Variants in MCC observed in about 807,000 individuals in gnomAD.
MCC encodes MCC regulator of Wnt signaling pathway, also known as colorectal mutant cancer protein.
Under a neutral mutation model 116.2 loss-of-function variants are expected in MCC, and 90 were observed. The ratio of observed to expected loss-of-function variants is 0.77; its 90% CI spans 0.65 to 0.92. The LOEUF (loss-of-function observed/expected upper bound fraction) is 0.92. Among genes scored for constraint, MCC ranks in the 40% least tolerant of loss-of-function variants. MCC has a pLI of 0.00. For synonymous variants in MCC, 578 were observed against 510.5 expected (o/e 1.13, Z -1.78); for missense variants, 1,516 against 1,312.2 (o/e 1.16, Z -2.40).
At chr5:113,143,655 C>T (rs1350351651) in intron 4 of MCC, among the ~76,000 whole-genome samples, 1 of 152,176 alleles carries the variant, frequency 6.6e-6, no homozygotes, top group Non-Finnish European at 1.5e-5. Flanking sequence ...CCCACTTTCC[C>T]GTAGCCAAGA....
chr5:113,384,537 G>A (rs1021087420), intron 2 of MCC, among the ~76,000 whole-genome samples: 3 of 152,108 alleles, frequency 2.0e-5, no homozygotes, highest in East Asian at 1.9e-4. Flanking sequence ...GCAGTGAGCC[G>A]AGATCCCGCC....
intron 2 of MCC, among the ~76,000 whole-genome samples, chr5:113,361,057 TC>T (rs1768533591): frequency 6.6e-6 from 1 of 152,238 alleles, no homozygotes; most frequent in Non-Finnish European, 1.5e-5. Context: ...TGTGGTCCTT[TC>T]TTTTCTCCTC....
chr5:113,202,758 C>G (rs558149961), intron 3 of MCC, among the ~76,000 whole-genome samples: 127 of 149,508 alleles, frequency 8.5e-4, no homozygotes, highest in Non-Finnish European at 1.1e-3. Context: ...CCCCTCAGCC[C>G]CAATGCAGAT....
intron 17 of MCC, among the ~76,000 whole-genome samples, chr5:113,030,668 A>C (rs1409895542): frequency 6.6e-6 from 1 of 152,190 alleles, no homozygotes; most frequent in Non-Finnish European, 1.5e-5. Flanking sequence ...ACGGAGTGAG[A>C]CCATCTCAAA....
chr5:113,350,684 T>C (rs910040689), intron 2 of MCC, among the ~76,000 whole-genome samples: 1 of 152,128 alleles, frequency 6.6e-6, no homozygotes, highest in African/African-American at 2.4e-5. Flanking sequence ...ACTGGACAAA[T>C]GAGGTTACAT....
chr5:113,404,683 T>C (rs1383635102), intron 1 of MCC, among the ~76,000 whole-genome samples: 4 of 152,178 alleles, frequency 2.6e-5, no homozygotes, highest in Admixed American at 6.5e-5. Flanking sequence ...CTGGAAATCA[T>C]CTAAATATCC....
intron 3 of MCC, among the ~76,000 whole-genome samples, chr5:113,273,654 A>G (rs1019518940): frequency 6.6e-6 from 1 of 152,172 alleles, no homozygotes; most frequent in Non-Finnish European, 1.5e-5. Flanking sequence ...ACTGTTAGGA[A>G]AGAGGGGTTA....
chr5:113,407,238 G>A (rs1561555415), intron 1 of MCC, among the ~76,000 whole-genome samples: 3 of 152,166 alleles, frequency 2.0e-5, no homozygotes, highest in African/African-American at 7.2e-5. Flanking sequence ...GTTGAGCTGA[G>A]ACTGAGTTCA....
chr5:113,386,730 G>T (rs1173272077), intron 1 of MCC, among the ~76,000 whole-genome samples: 3 of 142,626 alleles, frequency 2.1e-5, no homozygotes, highest in Non-Finnish European at 1.5e-5. Context: ...CTGTGTACAT[G>T]TGTGTCTGTG....
intron 5 of MCC, among the ~76,000 whole-genome samples, chr5:113,139,835 C>T (rs1054049860): frequency 5.3e-5 from 8 of 152,178 alleles, no homozygotes; most frequent in African/African-American, 1.9e-4. Context: ...GATTCTCCTG[C>T]CTCAGCCTCC....
At chr5:113,084,913 G>C (rs560290001) in intron 9 of MCC, among the ~76,000 whole-genome samples, 2 of 152,320 alleles carry the variant, frequency 1.3e-5, no homozygotes, top group East Asian at 3.9e-4. Context: ...ATAATGACTT[G>C]TCAGCTGTGA....
intron 3 of MCC, among the ~76,000 whole-genome samples, chr5:113,312,109 A>C (rs1480368108): frequency 1.3e-5 from 2 of 151,864 alleles, no homozygotes; most frequent in Non-Finnish European, 2.9e-5. Context: ...CCATCTCAAA[A>C]AAACAAACAA....
At chr5:113,068,273 G>A (rs1753766043) in intron 12 of MCC, 90 bp from the exon 13 acceptor site, 1 of 933,790 alleles carries the variant, frequency 1.1e-6, no homozygotes, top group Non-Finnish European at 1.7e-6. Flanking sequence ...GGCAGCTCAG[G>A]TGCTGTCTCG....
intron 12 of MCC, among the ~76,000 whole-genome samples, chr5:113,069,543 A>G (rs1753879325): frequency 6.6e-6 from 1 of 152,256 alleles, no homozygotes; most frequent in South Asian, 2.1e-4. Flanking sequence ...TGCTTCATTT[A>G]GTCAACAGAC....
intron 14 of MCC, among the ~76,000 whole-genome samples, chr5:113,054,762 C>T (rs1561759736): frequency 6.6e-6 from 1 of 152,260 alleles, no homozygotes; most frequent in East Asian, 1.9e-4. Flanking sequence ...TGAATGGTGA[C>T]CAGGCAGGGA....
chr5:113,337,950 A>T (rs910408653), intron 3 of MCC, among the ~76,000 whole-genome samples: 2 of 152,134 alleles, frequency 1.3e-5, no homozygotes, highest in African/African-American at 4.8e-5. Flanking sequence ...ACTACCGCAA[A>T]CACAATGGTT....
chr5:113,090,021 G>A (rs1755485768), intron 8 of MCC, among the ~76,000 whole-genome samples: 1 of 152,212 alleles, frequency 6.6e-6, no homozygotes, highest in Non-Finnish European at 1.5e-5. Context: ...AACAATTAGA[G>A]ATGTAAGTCT....
intron 3 of MCC, among the ~76,000 whole-genome samples, chr5:113,208,951 G>C (rs1402345442): frequency 2.0e-4 from 30 of 152,220 alleles, no homozygotes; most frequent in Non-Finnish European, 7.3e-5. Flanking sequence ...GAGGGGCTAA[G>C]GGTCGTGGTA....
At chr5:113,209,896 C>G (rs1162332559) in intron 3 of MCC, among the ~76,000 whole-genome samples, 1 of 152,114 alleles carries the variant, frequency 6.6e-6, no homozygotes, top group African/African-American at 2.4e-5. Context: ...AAAGAAATTA[C>G]TTAAATTTAT....
Sources: allele counts gnomAD v4.1 joint callset (sites outside exome capture counted in the v4.1 genomes callset), GRCh38; gene constraint gnomAD v4.1.1; transcripts MANE v1.5; gene names NCBI Gene and HGNC (gene_info 2026-07-23, HGNC 2026-07-21).